UGDH: variants seen among roughly 807,000 people sequenced by gnomAD.
UGDH encodes UDP-glucose 6-dehydrogenase, also known as UDP-Glc dehydrogenase.
Under a neutral mutation model 50.6 loss-of-function variants are expected in UGDH, and 38 were observed. The ratio of observed to expected loss-of-function variants is 0.75; its 90% CI spans 0.58 to 0.98. The LOEUF (loss-of-function observed/expected upper bound fraction) is 0.98, where lower values mean the gene tolerates loss of function less well. Among genes scored for constraint, UGDH ranks in the 50% least tolerant of loss-of-function variants. UGDH has a pLI of 0.00. For synonymous variants in UGDH, 168 were observed against 199.9 expected (o/e 0.84, Z 1.35); for missense variants, 465 against 606.2 (o/e 0.77, Z 2.45).
chr4:39,509,862 T>C lies in UGDH; in HGVS notation c.709A>G (p.Ile237Val), dbSNP rs1333993203. ...CCTGTTGCTTCACACAGAGCACTTA[T>C]GGAGTTAATGCTGCTTATTCTCTGG... is the stretch of plus-strand genomic sequence containing the variant. ...LAQRISSINS[I>V]SALCEATGAD... Residue 237 changes from isoleucine to valine, a missense_variant, in exon 6 of 12, where the codon ATA becomes GTA. Physicochemically the swap from Ile to Val is conservative, Grantham distance 29. Coordinates refer to ENST00000316423, the MANE Select transcript of UGDH (RefSeq NM_003359.4). 12 of 1,611,788 alleles carry C rather than the reference T, an allele frequency of 7.4e-6. No homozygotes were observed. The highest frequency in any genetic ancestry group is 1.7e-5 in the Admixed American group (1 of 59,798).
intron 7 of UGDH, among the ~76,000 whole-genome samples, chr4:39,507,681 G>A (rs1424729470): frequency 1.3e-5 from 2 of 152,212 alleles, no homozygotes; most frequent in Non-Finnish European, 2.9e-5. Flanking sequence ...AGGTTCACTG[G>A]CTAACACTTA....
intron 1 of UGDH, chr4:39,527,032 A>AGAAG (rs1294104843): frequency 7.8e-7 from 1 of 1,289,376 alleles, no homozygotes; most frequent in South Asian, 1.2e-5. Flanking sequence ...AGGCAGAAAG[A>AGAAG]GAAGGGGCTG....
intron 8 of UGDH, 81 bp downstream of exon 8, chr4:39,505,537 G>C: frequency 7.7e-7 from 1 of 1,298,126 alleles, no homozygotes; most frequent in East Asian, 2.5e-5. Flanking sequence ...TGTATTTTAT[G>C]TACACCTACC....
chr4:39,517,914 T>C (rs1242385700), intron 2 of UGDH, among the ~76,000 whole-genome samples: 1 of 151,442 alleles, frequency 6.6e-6, no homozygotes, highest in African/African-American at 2.4e-5. Flanking sequence ...ATAATTCATG[T>C]AGCCATTCTT....
intron 8 of UGDH, 105 bp from the exon 9 acceptor site, chr4:39,505,475 GT>G: frequency 8.6e-7 from 1 of 1,156,688 alleles, no homozygotes; most frequent in Non-Finnish European, 1.1e-6. Context: ...AGCTGGTAGA[GT>G]GGTGAAGATA....
intron 2 of UGDH, among the ~76,000 whole-genome samples, chr4:39,520,727 C>G (rs1158368126): frequency 6.6e-6 from 1 of 150,680 alleles, no homozygotes; most frequent in Admixed American, 6.6e-5. Context: ...TACAGGATAC[C>G]ACTTTTTAAT....
chr4:39,509,737 A>G lies in UGDH; in HGVS notation c.811+23T>C. ...CAGTAAATAAACACTAGCTCTTTCT[A>G]CTAGAGAAAAATTTGAATTTACCAA... On this transcript the variant is annotated intron_variant, in intron 6 of 11. Transcript: ENST00000316423. The G allele has an allele frequency of 3.1e-6, 5 of 1,597,962 alleles. No individual in the cohort carries two copies. In the South Asian group the frequency reaches 5.7e-5, roughly 18 times the overall value.
intron 1 of UGDH, among the ~76,000 whole-genome samples, chr4:39,523,729 G>A (rs143010596): frequency 0.029 from 4,439 of 151,838 alleles, 109 homozygotes; most frequent in African/African-American, 0.065. Flanking sequence ...GCTTGAACCC[G>A]GGAGGCGGAG....
chr4:39,514,205 G>A (rs907208982), intron 2 of UGDH, 21 bp from the exon 3 acceptor site: 2 of 1,542,582 alleles, frequency 1.3e-6, no homozygotes, highest in African/African-American at 1.4e-5. Flanking sequence ...AAAAGAAAAG[G>A]AATTGTACAT....
At chr4:39,514,997 T>C (rs1423844323) in intron 2 of UGDH, among the ~76,000 whole-genome samples, 1 of 149,708 alleles carries the variant, frequency 6.7e-6, no homozygotes, top group Middle Eastern at 3.4e-3. Flanking sequence ...TATTTTTTCA[T>C]ACAGGGTTTC....
At chr4:39,509,660 T>C (rs1746157419) in intron 6 of UGDH, 100 bp downstream of exon 6, 1 of 1,346,078 alleles carries the variant, frequency 7.4e-7, no homozygotes, top group African/African-American at 1.5e-5. Context: ...TAACAGGTTA[T>C]AAGGATTCAA....
intron 2 of UGDH, among the ~76,000 whole-genome samples, chr4:39,517,997 C>T (rs1268214684): frequency 4.0e-5 from 6 of 151,838 alleles, no homozygotes; most frequent in Admixed American, 1.3e-4. Context: ...GGTGCAAACT[C>T]GGCTCACTGC....
chr4:39,514,216 A>G (rs745536053), intron 2 of UGDH, 32 bp from the exon 3 acceptor site: 2 of 1,497,512 alleles, frequency 1.3e-6, no homozygotes, highest in Non-Finnish European at 1.8e-6. Context: ...AATTGTACAT[A>G]TAGCTTGCCA....
In UGDH at chr4:39,510,458, TG is replaced by T. The variant is rs1746198140; in HGVS notation, c.557del (p.Pro186GlnfsTer46). ...DRVLIGGDET[P>X]EGQRAVQALC... ...GGGCCTGCACAGCTCTCTGGCCCTC[TG>T]GAGTTTCATCCCCTCCAATCAGTAC... On this transcript the variant is annotated frameshift_variant, in exon 5 of 12. Coordinates refer to ENST00000316423, the MANE Select transcript of UGDH (RefSeq NM_003359.4). LOFTEE classifies it high-confidence loss of function. 1 of 1,614,122 alleles carries T rather than the reference TG, an allele frequency of 6.2e-7. No homozygotes were observed. The highest frequency in any genetic ancestry group is 1.7e-5 in the Admixed American group (1 of 60,000).
intron 1 of UGDH, chr4:39,527,010 G>C: frequency 7.8e-7 from 1 of 1,289,306 alleles, no homozygotes; most frequent in Non-Finnish European, 1.0e-6. Flanking sequence ...TCCAAGTCAG[G>C]AAAGTGGGTA....
intron 1 of UGDH, among the ~76,000 whole-genome samples, chr4:39,524,688 T>C (rs1746806402): frequency 6.6e-6 from 1 of 152,128 alleles, no homozygotes; most frequent in African/African-American, 2.4e-5. Context: ...TTTGTATTTT[T>C]TCTAGAGACA....
At chr4:39,519,741 T>C (rs1746575427) in intron 2 of UGDH, among the ~76,000 whole-genome samples, 2 of 151,976 alleles carry the variant, frequency 1.3e-5, no homozygotes, top group African/African-American at 2.4e-5. Context: ...GCTTTCACCA[T>C]GTTGGCCAGG....
At chr4:39,520,566 T>G (rs1746608642) in intron 2 of UGDH, among the ~76,000 whole-genome samples, 1 of 152,066 alleles carries the variant, frequency 6.6e-6, no homozygotes, top group East Asian at 1.9e-4. Context: ...TCACAAAATT[T>G]TGAAATTCCA....
At chr4:39,500,653 C>CTTTTTTTTTTTTTTT (rs11284301) in intron 11 of UGDH, among the ~76,000 whole-genome samples, 8 of 135,224 alleles carry the variant, frequency 5.9e-5, no homozygotes, top group Non-Finnish European at 7.9e-5. Context: ...GCATAATTCT[C>CTTTTTTTTTTTTTTT]TTTTTTTTTT....
Sources: gnomAD v4.1 joint callset for allele counts (sites outside exome capture counted in the v4.1 genomes callset) on GRCh38, gnomAD v4.1.1 for gene constraint, MANE v1.5 for transcripts, NCBI Gene and HGNC (gene_info 2026-07-23, HGNC 2026-07-21) for gene names.